SMIM21: variants seen among roughly 807,000 people sequenced by gnomAD.
SMIM21 encodes small integral membrane protein 21.
A neutral mutation model predicts 8.6 loss-of-function variants in SMIM21; 8 were observed. That is an observed-to-expected ratio of 0.93 (90% CI 0.55 to 1.68). The LOEUF (loss-of-function observed/expected upper bound fraction) is 1.68. Among genes scored for constraint, SMIM21 ranks in the 40% most tolerant of loss-of-function variants. The pLI is 0.00. For missense variants in SMIM21, 132 were observed against 123.0 expected, an observed-to-expected ratio of 1.07 and a Z score of -0.35; for synonymous variants, 43 against 41.7, an observed-to-expected ratio of 1.03 and a Z score of -0.12.
intron 1 of SMIM21, 55 bp downstream of exon 1, chr18:75,427,380 C>G (rs7235563): frequency 0.34 from 532,896 of 1,580,254 alleles, 92,763 homozygotes; most frequent in Non-Finnish European, 0.36. Context: ...TAGGACCATA[C>G]CTGTGCAGTG....
intron 1 of SMIM21, among the ~76,000 whole-genome samples, chr18:75,419,493 TCA>T (rs750430714): frequency 6.6e-5 from 10 of 152,338 alleles, no homozygotes; most frequent in Admixed American, 1.3e-4. Context: ...ATTCTGAATT[TCA>T]CAGTCTTTTA....
intron 1 of SMIM21, among the ~76,000 whole-genome samples, chr18:75,426,330 G>C (rs560022879): frequency 2.0e-5 from 3 of 151,656 alleles, no homozygotes; most frequent in African/African-American, 7.3e-5. Context: ...TTTTTTGAGG[G>C]ACAGAGTCTC....
At chr18:75,426,019 C>T (rs567725395) in intron 1 of SMIM21, among the ~76,000 whole-genome samples, 12 of 152,154 alleles carry the variant, frequency 7.9e-5, no homozygotes, top group East Asian at 1.9e-4. Context: ...GATTGCCCAC[C>T]GAGTGCCTCC....
chr18:75,424,752 A>C (rs184004471), intron 1 of SMIM21, among the ~76,000 whole-genome samples: 6 of 152,346 alleles, frequency 3.9e-5, no homozygotes, highest in Admixed American at 3.9e-4. Context: ...GTTTGTAACA[A>C]TGAACACTTC....
At chr18:75,415,913 A>G (rs539798695) in intron 2 of SMIM21, 1 of 152,348 alleles carries the variant, frequency 6.6e-6, no homozygotes, top group Admixed American at 6.5e-5. Flanking sequence ...ATGGCATTCC[A>G]TTTTATGAAC....
intron 2 of SMIM21, chr18:75,418,134 A>T (rs2024668239): frequency 7.5e-6 from 3 of 398,420 alleles, no homozygotes; most frequent in Non-Finnish European, 1.3e-5. Context: ...TTTCCGAGTG[A>T]GGCTGGGTAT....
chr18:75,412,656 T>C (rs1242869851), intron 2 of SMIM21: 1 of 152,196 alleles, frequency 6.6e-6, no homozygotes, highest in Non-Finnish European at 1.5e-5. Flanking sequence ...CCAAATGTCT[T>C]GGCCTCCCTG....
rs1051738856 is a variant in SMIM21 at position 75,418,859 on chromosome 18, C to T, written c.187G>A (p.Val63Met). The T allele has an allele frequency of 6.2e-7, 1 of 1,609,348 alleles. No individual in the cohort carries two copies. The highest frequency in any genetic ancestry group is 1.3e-5 in the African/African-American group (1 of 74,908). Residue 63 changes from valine (V) to methionine (M), a missense_variant, in exon 2 of 3, where the codon GTG becomes ATG. Coordinates refer to ENST00000579022, the MANE Select transcript of SMIM21 (RefSeq NM_001037331.3). ...FTLLVLFHVM[V>M]LLRNHSRIQG... ...ATCCTGCTATGATTCCTCAGCAACA[C>T]CATCACATGGAAAAGAACCAACAAT...
chr18:75,426,631 T>TAAAAAAAAAA (rs777676195), intron 1 of SMIM21, among the ~76,000 whole-genome samples: 21 of 89,260 alleles, frequency 2.4e-4, no homozygotes, highest in Non-Finnish European at 3.1e-4. Context: ...TTTTAAAATG[T>TAAAAAAAAAA]AAAAAAAAAA....
At chr18:75,420,438 T>G (rs1490919097) in intron 1 of SMIM21, among the ~76,000 whole-genome samples, 3 of 152,178 alleles carry the variant, frequency 2.0e-5, no homozygotes, top group Non-Finnish European at 4.4e-5. Flanking sequence ...AAATTTAAAG[T>G]GGTCTTCAAC....
Position 75,409,487 on chromosome 18 carries a change from AC to A in SMIM21, c.*1376del, listed in dbSNP as rs1395640168. ...ATGAGATGAAAAATGGCTTCCAAGA[AC>A]TTAATTCAAAGAATTGTAACAGGTC... On this transcript the variant is annotated 3_prime_UTR_variant, in exon 3 of 3. Coordinates refer to ENST00000579022, the MANE Select transcript of SMIM21 (RefSeq NM_001037331.3). The A allele has an allele frequency of 2.6e-5, 4 of 152,240 alleles. No homozygotes were observed. The highest frequency in any genetic ancestry group is 2.6e-4 in the Admixed American group (4 of 15,288). The allele number at this position is 152,240 out of a possible 1,614,324, so 9.4% of individuals were successfully genotyped here.
In SMIM21 at chr18:75,427,518, G is replaced by A. The variant is rs1157988375; in HGVS notation, c.46C>T (p.Gln16Ter). 1.9e-6 allele frequency: 3 copies of A among 1,613,938 alleles called. No individual in the cohort carries two copies. Among genetic ancestry groups the A allele is most frequent in the African/African-American group, 1.3e-5 (1 of 75,042 alleles). ...STAPPRFPIA[Q>*]LGTFKQDSAG... The stretch of plus-strand genomic sequence containing the variant: ...GAGTCTTGTTTAAATGTTCCCAGCT[G>A]TGCTATAGGGAATCGGGGAGGAGCT... Residue 16 changes from glutamine to a stop codon, truncating the protein, a stop_gained, in exon 1 of 3, where the codon CAG becomes TAG. Transcript: ENST00000579022. LOFTEE classifies it high-confidence loss of function.
chr18:75,413,014 C>T (rs977365342), intron 2 of SMIM21, among the ~76,000 whole-genome samples: 1 of 152,104 alleles, frequency 6.6e-6, no homozygotes, highest in Admixed American at 6.5e-5. Context: ...ACAAATGCAT[C>T]GTCTCCTCTT....
chr18:75,425,961 C>G (rs1304340428), intron 1 of SMIM21, among the ~76,000 whole-genome samples: 1 of 152,140 alleles, frequency 6.6e-6, no homozygotes, highest in Non-Finnish European at 1.5e-5. Context: ...CTGGTGCAGA[C>G]CAGCTGCCCT....
chr18:75,410,639 C>T lies in SMIM21; in HGVS notation c.*225G>A. 7.9e-7 allele frequency: 1 copy of T among 1,272,610 alleles called. No homozygotes were observed. Among genetic ancestry groups the T allele is most frequent in the African/African-American group, 1.5e-5 (1 of 66,384 alleles). The allele number at this position is 1,272,610 out of a possible 1,614,324, so 78.8% of individuals were successfully genotyped here. ...GGGTTGGGTGGCATCTGCAGCTCTC[C>T]TCCGGAATATTCCTGAACAGAAAAA... On this transcript the variant is annotated 3_prime_UTR_variant, in exon 3 of 3. Coordinates refer to ENST00000579022, the MANE Select transcript of SMIM21 (RefSeq NM_001037331.3).
intron 1 of SMIM21, among the ~76,000 whole-genome samples, chr18:75,423,184 G>T (rs1477831472): frequency 6.6e-6 from 1 of 152,156 alleles, no homozygotes; most frequent in Non-Finnish European, 1.5e-5. Context: ...CTTCCCAGAG[G>T]TTTTACACAT....
chr18:75,423,115 T>C (rs185124541), intron 1 of SMIM21, among the ~76,000 whole-genome samples: 37 of 152,324 alleles, frequency 2.4e-4, no homozygotes, highest in African/African-American at 8.7e-4. Flanking sequence ...TTAAAAATAA[T>C]TCTACACTTT....
rs778312457 is a variant in SMIM21, at chr18:75,410,792, T to C, written c.*72A>G. On this transcript the variant is annotated 3_prime_UTR_variant, in exon 3 of 3. Transcript: ENST00000579022. ...GCTATCTCTAAGCAATCTGATTTCC[T>C]CTTAATTTCTTTTCATCTTGAGCAG... is the stretch of plus-strand genomic sequence containing the variant. The C allele has an allele frequency of 6.2e-7, 1 of 1,601,792 alleles. No homozygotes were observed. The highest frequency in any genetic ancestry group is 8.5e-7 in the Non-Finnish European group (1 of 1,175,096).
chr18:75,411,270 C>G (rs964658745), intron 2 of SMIM21, among the ~76,000 whole-genome samples: 1 of 152,220 alleles, frequency 6.6e-6, no homozygotes, highest in Non-Finnish European at 1.5e-5. Flanking sequence ...GAAATAAACT[C>G]TCTTTCTGAA....
Sources: gnomAD v4.1 joint callset for allele counts (sites outside exome capture counted in the v4.1 genomes callset) on GRCh38, gnomAD v4.1.1 for gene constraint, MANE v1.5 for transcripts, NCBI Gene and HGNC (gene_info 2026-07-23, HGNC 2026-07-21) for gene names.